The following SYNE2 variants were observed in gnomAD, a reference collection of about 807,000 sequenced individuals.
SYNE2 encodes spectrin repeat containing nuclear envelope protein 2.
In SYNE2, 431 loss-of-function variants were observed where a neutral mutation model predicts 856.3. That is an observed-to-expected ratio of 0.50 (90% CI 0.47 to 0.55). SYNE2 has a LOEUF of 0.55. Among genes scored for constraint, SYNE2 ranks in the 20% least tolerant of loss-of-function variants. SYNE2 has a pLI of 0.00. For synonymous variants in SYNE2, 2,923 were observed against 2,872.3 expected (o/e 1.02, Z -0.56); for missense variants, 8,129 against 8,023.2 (o/e 1.01, Z -0.50).
chr14:64,128,610 A>G (rs779084662), intron 74 of SYNE2, 57 bp downstream of exon 74: 9 of 1,062,280 alleles, frequency 8.5e-6, no homozygotes, highest in Admixed American at 3.4e-5. Flanking sequence ...AGCTTTGCAT[A>G]TAAGCCGTGC....
rs766604570 is a variant in SYNE2 at position 63,941,796 on chromosome 14, A to T, written c.237+6A>T. 16 of 1,613,778 alleles carry T rather than the reference A, an allele frequency of 9.9e-6. No homozygotes were observed. Among genetic ancestry groups the T allele is most frequent in the Non-Finnish European group, 1.3e-5 (15 of 1,179,710 alleles). ...TACTTTCTGGGCAACAGTTGGTAAG[A>T]TTTTTAAATGACACTGAGAAACTTT... On this transcript the variant is annotated splice_donor_region_variant and intron_variant, in intron 4 of 115. Coordinates refer to ENST00000555002, the MANE Select transcript of SYNE2 (RefSeq NM_182914.3).
chr14:63,872,870 C>T (rs1028312723), intron 1 of SYNE2, among the ~76,000 whole-genome samples: 4 of 151,842 alleles, frequency 2.6e-5, no homozygotes, highest in East Asian at 1.9e-4. Context: ...GAGATTCATC[C>T]GTCTTGGTAT....
At chr14:64,219,113 T>TTG (rs2098681839) in intron 109 of SYNE2, 95 bp from the exon 110 acceptor site, 3 of 926,350 alleles carry the variant, frequency 3.2e-6, no homozygotes, top group African/African-American at 3.5e-5. Context: ...TGTTTTTTTT[T>TTG]TTTTTTTTTT....
At chr14:63,786,799 T>C (rs1365442733) in intron 1 of SYNE2, among the ~76,000 whole-genome samples, 1 of 152,204 alleles carries the variant, frequency 6.6e-6, no homozygotes, top group South Asian at 2.1e-4. Context: ...GGTCTCGCTC[T>C]GTTACCCAGG....
In SYNE2 at chr14:63,977,982, G is replaced by A; in HGVS notation, c.1371G>A (p.Leu457=). ...FENKDENHLP[L]VPPNKLEEMK... ...ATAAGGATGAAAATCACTTGCCATTGGTACCACCTAACAAATTGGAGGAAA... is the reference window on the plus strand; with the variant it reads ...ATAAGGATGAAAATCACTTGCCATTAGTACCACCTAACAAATTGGAGGAAA... The change falls in exon 13 of 116, where the codon TTG becomes TTA. Residue 457 remains leucine, a synonymous_variant. Transcript: ENST00000555002. 2.5e-6 allele frequency: 4 copies of A among 1,613,350 alleles called. No homozygotes were observed. Among genetic ancestry groups the A allele is most frequent in the Non-Finnish European group, 3.4e-6 (4 of 1,179,452 alleles).
At chr14:64,201,055 T>C (rs2098560468) in intron 99 of SYNE2, among the ~76,000 whole-genome samples, 1 of 152,214 alleles carries the variant, frequency 6.6e-6, no homozygotes, top group Non-Finnish European at 1.5e-5. Context: ...CAGCCTCTTA[T>C]TTCAAGCTCA....
chr14:64,118,883 T>G lies in SYNE2; in HGVS notation c.12841-544T>G, dbSNP rs1234726938. Among the ~76,000 whole-genome samples the G allele has an allele frequency of 2.0e-5, 3 of 150,444 alleles. No homozygotes were observed. In the South Asian group the frequency reaches 6.3e-4, roughly 32 times the overall value. On this transcript the variant is annotated intron_variant, in intron 66 of 115. Transcript: ENST00000555002. ...CTCAGAAAAAAAAAAAAAAAAAGAT[T>G]AGGAAGGTAGGGGGAAAATAAGAAT... is the stretch of plus-strand genomic sequence containing the variant.
In SYNE2 at chr14:64,081,484, C is replaced by G. The variant is rs1457229466; in HGVS notation, c.11388C>G (p.Ser3796Arg). The change falls in exon 57 of 116, where the codon AGC (serine) becomes AGG (arginine). Residue 3796 changes from serine (S) to arginine (R), a missense_variant. Ser to Arg is a moderately radical substitution (Grantham distance 110). This residue lies in a region of SYNE2 where 5,410 missense variants were observed against 5,284.8 expected (regional missense o/e 1.02). Coordinates refer to ENST00000555002, the MANE Select transcript of SYNE2 (RefSeq NM_182914.3). ...AGGAATATAGTGACCTTCTGAAGAG[C>G]ACTGAGGCTTGGATAGAAAATACCA... ...KMEEYSDLLK[S>R]TEAWIENTSH... 6.2e-7 allele frequency: 1 copy of G among 1,614,178 alleles called. No homozygotes were observed. The highest frequency in any genetic ancestry group is 1.3e-5 in the African/African-American group (1 of 75,046).
chr14:63,974,892 G>GTACATATATATATATATATATATATA (rs2096527497), intron 11 of SYNE2, among the ~76,000 whole-genome samples: 2 of 67,322 alleles, frequency 3.0e-5, no homozygotes, highest in Admixed American at 2.4e-4. Context: ...GTGTGTGTGT[G>GTACATATATATATATATATATATATA]TATATATATA....
At chr14:64,163,048 G>C (rs1340856545) in intron 88 of SYNE2, among the ~76,000 whole-genome samples, 1 of 152,232 alleles carries the variant, frequency 6.6e-6, no homozygotes, top group African/African-American at 2.4e-5. Context: ...GCAGGGGTCA[G>C]AGTTGCATTG....
intron 10 of SYNE2, among the ~76,000 whole-genome samples, chr14:63,964,392 A>G (rs898383673): frequency 2.6e-5 from 4 of 152,252 alleles, no homozygotes; most frequent in African/African-American, 2.4e-5. Flanking sequence ...CTTTCACACT[A>G]TAACCCCAGA....
Position 64,223,284 on chromosome 14 carries a change from T to C in SYNE2, c.20286T>C (p.Cys6762=), listed in dbSNP as rs77065534. 1.1e-4 allele frequency: 175 copies of C among 1,614,194 alleles called. 2 individuals carry two copies. The East Asian group carries it at 3.6e-3, about 33-fold the overall frequency. Reference sequence around the variant, plus strand: ...TCATTAAGGGACATGGAGAAGACTGTATTGAAGCTGAAGAAAAGGTGCATG... The same window carrying C: ...TCATTAAGGGACATGGAGAAGACTGCATTGAAGCTGAAGAAAAGGTGCATG... ...SLLIKGHGED[C]IEAEEKVHVI... The change falls in exon 113 of 116, where the codon TGT becomes TGC. Residue 6762 remains cysteine (C), a synonymous_variant. Coordinates refer to ENST00000555002, the MANE Select transcript of SYNE2 (RefSeq NM_182914.3).
intron 49 of SYNE2, among the ~76,000 whole-genome samples, chr14:64,058,692 G>T (rs1256191688): frequency 2.0e-5 from 3 of 152,086 alleles, no homozygotes; most frequent in African/African-American, 7.2e-5. Flanking sequence ...TGTCGGCCAG[G>T]CTGGTCTCGA....
chr14:63,974,882 GTGTGTGTGTGTATA>G (rs1566949634), intron 11 of SYNE2, among the ~76,000 whole-genome samples: 20 of 27,138 alleles, frequency 7.4e-4, no homozygotes, highest in Admixed American at 8.3e-4. Context: ...GTGTGTGTGT[GTGTGTGTGTGTATA>G]TATATATATA....
At chr14:63,875,050 T>C (rs530494119) in intron 1 of SYNE2, among the ~76,000 whole-genome samples, 13 of 152,244 alleles carry the variant, frequency 8.5e-5, no homozygotes, top group Non-Finnish European at 1.8e-4. Context: ...TCTGATTTTT[T>C]TTTTTTAAAT....
At chr14:64,081,969 C>T (rs958567820) in intron 57 of SYNE2, among the ~76,000 whole-genome samples, 3 of 151,892 alleles carry the variant, frequency 2.0e-5, no homozygotes, top group African/African-American at 4.8e-5. Flanking sequence ...GCCTGTAGTC[C>T]CAGCTACTCG....
intron 1 of SYNE2, among the ~76,000 whole-genome samples, chr14:63,793,413 C>CA (rs1184657996): frequency 6.6e-6 from 1 of 152,184 alleles, no homozygotes; most frequent in African/African-American, 2.4e-5. Flanking sequence ...AGGTGCACCT[C>CA]AAAAGAGCAG....
chr14:63,948,804 A>ATGTGTGTGTGTG (rs1566885022), intron 6 of SYNE2, among the ~76,000 whole-genome samples: 5,450 of 110,432 alleles, frequency 0.049, 361 homozygotes, highest in Admixed American at 0.067. Context: ...ATATATATAT[A>ATGTGTGTGTGTG]TATATATATA....
At chr14:63,955,644 G>A (rs1055410705) in intron 8 of SYNE2, among the ~76,000 whole-genome samples, 7 of 152,098 alleles carry the variant, frequency 4.6e-5, no homozygotes, top group Non-Finnish European at 1.0e-4. Flanking sequence ...TTACTGGGGT[G>A]TGTATACAAA....
Sources: allele counts gnomAD v4.1 joint callset (sites outside exome capture counted in the v4.1 genomes callset), GRCh38; gene constraint gnomAD v4.1.1; regional missense constraint gnomAD v4.1.1; transcripts MANE v1.5; gene names NCBI Gene and HGNC (gene_info 2026-07-23, HGNC 2026-07-21).